The following FBXO31 variants were observed in gnomAD, a reference collection of about 807,000 sequenced individuals.
The protein encoded by FBXO31 is F-box protein 31.
A neutral mutation model predicts 54.4 loss-of-function variants in FBXO31; 24 were observed. That is an observed-to-expected ratio of 0.44 (90% CI 0.32 to 0.62). The LOEUF (loss-of-function observed/expected upper bound fraction) is 0.62. Ranked by LOEUF, FBXO31 falls within the 20% of genes least tolerant of loss-of-function variation. The pLI is 0.05. For missense variants in FBXO31, 665 were observed against 787.1 expected (o/e 0.84, Z 1.86); for synonymous variants, 388 against 335.6 (o/e 1.16, Z -1.71).
Position 87,383,445 on chromosome 16 carries a change from G to A in FBXO31, c.300C>T (p.Ile100=), listed in dbSNP as rs372099503. 2 of 1,587,546 alleles carry A rather than the reference G, an allele frequency of 1.3e-6. No homozygotes were observed. The highest frequency in any genetic ancestry group is 1.7e-6 in the Non-Finnish European group (2 of 1,170,822). Residue 100 remains isoleucine, a synonymous_variant, in exon 1 of 9, where the codon ATC becomes ATT. Coordinates refer to ENST00000311635, the MANE Select transcript of FBXO31 (RefSeq NM_024735.5). The surrounding 1 kb of genome is among the most constrained non-coding windows in gnomAD (Gnocchi z 4.9). ...LAQVCTKFRR[I]LHTDTIWRRR... ...TCCTCCAGATGGTGTCGGTGTGGAGGATGCGCCGGAACTTCGTGCAGACCT... is the reference window on the plus strand; with the variant it reads ...TCCTCCAGATGGTGTCGGTGTGGAGAATGCGCCGGAACTTCGTGCAGACCT...
At chr16:87,349,606 G>C (rs978820571) in intron 2 of FBXO31, among the ~76,000 whole-genome samples, 2 of 152,126 alleles carry the variant, frequency 1.3e-5, no homozygotes, top group Non-Finnish European at 2.9e-5. Context: ...AGCTACTCGG[G>C]AGGCTGAGGC....
intron 1 of FBXO31, among the ~76,000 whole-genome samples, chr16:87,370,446 C>G (rs62053110): frequency 0.37 from 56,231 of 152,204 alleles, 13,392 homozygotes; most frequent in Non-Finnish European, 0.56. Context: ...TGGCAGGTGC[C>G]TGAGTGTGGA....
upstream of FBXO31, among the ~76,000 whole-genome samples, chr16:87,390,315 TAAA>T (rs1444507971): frequency 6.6e-6 from 1 of 152,106 alleles, no homozygotes; most frequent in African/African-American, 2.4e-5. Context: ...AGTGGTGTAA[TAAA>T]GAACTACAAC....
intron 2 of FBXO31, among the ~76,000 whole-genome samples, chr16:87,351,778 A>G (rs1243579398): frequency 6.6e-6 from 1 of 152,194 alleles, no homozygotes; most frequent in Non-Finnish European, 1.5e-5. Flanking sequence ...CGGAGGCAGG[A>G]GAATCGCTTG....
chr16:87,383,376 T>TC lies in FBXO31; in HGVS notation c.340+28dup. The stretch of plus-strand genomic sequence containing the variant: ...CCACCTGGCAGGGACCCCCCGCCCC[T>TC]CCCGGCCCCGCCACCCCCGCGCGCT... On this transcript the variant is annotated intron_variant, in intron 1 of 8. Coordinates refer to ENST00000311635, the MANE Select transcript of FBXO31 (RefSeq NM_024735.5). This position sits in a 1 kb window ranked among gnomAD's most constrained non-coding sequence, Gnocchi z 4.9. 1 of 883,786 alleles carries TC rather than the reference T, an allele frequency of 1.1e-6. No homozygotes were observed. Among genetic ancestry groups the TC allele is most frequent in the Admixed American group, 3.2e-5 (1 of 30,774 alleles). The allele number at this position is 883,786 out of a possible 1,614,324, so 54.7% of individuals were successfully genotyped here. A position where few individuals can be genotyped will look rare whatever the true frequency, so the allele number is the denominator to read the frequency against.
chr16:87,374,365 T>C (rs1024942973), intron 1 of FBXO31, among the ~76,000 whole-genome samples: 2 of 152,130 alleles, frequency 1.3e-5, no homozygotes, highest in Non-Finnish European at 2.9e-5. Flanking sequence ...TCAGAAAACT[T>C]AGCCTACAGC....
At chr16:87,350,096 G>A (rs1905582275) in intron 2 of FBXO31, among the ~76,000 whole-genome samples, 1 of 152,104 alleles carries the variant, frequency 6.6e-6, no homozygotes, top group African/African-American at 2.4e-5. Flanking sequence ...GTGAGCATGT[G>A]TGACTGGACG....
intron 2 of FBXO31, among the ~76,000 whole-genome samples, chr16:87,355,946 G>C (rs1373727490): frequency 6.6e-6 from 1 of 152,222 alleles, no homozygotes; most frequent in African/African-American, 2.4e-5. Context: ...TAGTGAGACA[G>C]ACATGCGACA....
Position 87,383,430 on chromosome 16 carries a change from G to A in FBXO31, c.315C>T (p.Thr105=), listed in dbSNP as rs1172839539. 1.3e-6 allele frequency: 2 copies of A among 1,578,060 alleles called. No individual in the cohort carries two copies. The highest frequency in any genetic ancestry group is 1.8e-5 in the Admixed American group (1 of 54,496). Residue 105 remains threonine (T), a synonymous_variant, in exon 1 of 9, where the codon ACC becomes ACT. Transcript: ENST00000311635. This position sits in a 1 kb window ranked among gnomAD's most constrained non-coding sequence, Gnocchi z 4.9. ...TKFRRILHTD[T]IWRRRCREEY... is the part of the protein sequence containing the mutation. ...CCTCACGGCAACGCCTCCTCCAGAT[G>A]GTGTCGGTGTGGAGGATGCGCCGGA... is the stretch of plus-strand genomic sequence containing the variant.
chr16:87,333,813 G>C (rs1007061550), intron 8 of FBXO31, 73 bp downstream of exon 8: 1 of 1,519,026 alleles, frequency 6.6e-7, no homozygotes, highest in African/African-American at 1.4e-5. Flanking sequence ...GCCTGTGCTA[G>C]GTGTGGGGCT....
chr16:87,354,755 G>A (rs996145853), intron 2 of FBXO31, among the ~76,000 whole-genome samples: 1 of 152,080 alleles, frequency 6.6e-6, no homozygotes, highest in Non-Finnish European at 1.5e-5. Flanking sequence ...ATCACCTGAG[G>A]TCAGGAGTTT....
Position 87,329,375 on chromosome 16 carries a change from CCA to C in FBXO31, c.*1911_*1912del, listed in dbSNP as rs1904761699. The C allele has an allele frequency of 6.6e-6, 1 of 152,278 alleles. No homozygotes were observed. Among genetic ancestry groups the C allele is most frequent in the African/African-American group, 2.4e-5 (1 of 41,468 alleles). The allele number at this position is 152,278 out of a possible 1,614,324, so 9.4% of individuals were successfully genotyped here. A position where few individuals can be genotyped will look rare whatever the true frequency, so the allele number is the denominator to read the frequency against. On this transcript the variant is annotated 3_prime_UTR_variant, in exon 9 of 9. Transcript: ENST00000311635. The stretch of plus-strand genomic sequence containing the variant: ...TCCTTTAATCAGAAGCACGTGCGTC[CCA>C]CAGTGTGCTCTTCAAGCCCCAAAGG...
chr16:87,390,894 C>T (rs1473192021), upstream of FBXO31, among the ~76,000 whole-genome samples: 1 of 152,144 alleles, frequency 6.6e-6, no homozygotes, highest in Non-Finnish European at 1.5e-5. Flanking sequence ...CCACCGCCCC[C>T]CGCTATTTTC....
Position 87,333,966 on chromosome 16 carries a change from C to T in FBXO31, c.1317G>A (p.Gln439=), listed in dbSNP as rs971601908. 4.3e-6 allele frequency: 7 copies of T among 1,612,718 alleles called. No individual in the cohort carries two copies. In the East Asian group the frequency reaches 6.7e-5, roughly 15 times the overall value. ...GCACGAACGGCTGCCCCTGCCCACA[C>T]TGGGCAGGCTGCTCGGCCGCAGCTA... ...DAVAAAEQPA[Q]CGQGQPFVLP... Residue 439 remains glutamine (Q), a synonymous_variant, in exon 8 of 9, where the codon CAG becomes CAA. Coordinates refer to ENST00000311635, the MANE Select transcript of FBXO31 (RefSeq NM_024735.5).
At chr16:87,344,854 C>G (rs908874085) in intron 3 of FBXO31, among the ~76,000 whole-genome samples, 1 of 152,104 alleles carries the variant, frequency 6.6e-6, no homozygotes, top group South Asian at 2.1e-4. Context: ...AAAACCCCAC[C>G]TGGGGGCAAA....
chr16:87,360,967 C>T (rs1906107249), intron 1 of FBXO31, among the ~76,000 whole-genome samples: 1 of 152,222 alleles, frequency 6.6e-6, no homozygotes, highest in South Asian at 2.1e-4. Flanking sequence ...CAGCACCTTC[C>T]TCTTTGTCCC....
intron 2 of FBXO31, among the ~76,000 whole-genome samples, chr16:87,349,178 C>T (rs72806214): frequency 0.011 from 1,695 of 152,302 alleles, 12 homozygotes; most frequent in Non-Finnish European, 0.019. Context: ...AATAATTTAA[C>T]AAAATGATTC....
intron 1 of FBXO31, among the ~76,000 whole-genome samples, chr16:87,373,505 A>G (rs1293641860): frequency 6.6e-6 from 1 of 151,446 alleles, no homozygotes; most frequent in East Asian, 2.0e-4. Context: ...ACCTGAATAT[A>G]TATATACACA....
At chr16:87,385,023 CAA>C (rs1669082685), upstream of FBXO31, among the ~76,000 whole-genome samples, 1 of 151,130 alleles carries the variant, frequency 6.6e-6, no homozygotes, top group South Asian at 2.1e-4. Flanking sequence ...AACAAACAAA[CAA>C]ACAAACCACA....
Sources: gnomAD v4.1 joint callset for allele counts (sites outside exome capture counted in the v4.1 genomes callset) on GRCh38, gnomAD v4.1.1 for gene constraint, Gnocchi (gnomAD v3.1) non-coding constraint, MANE v1.5 for transcripts, NCBI Gene and HGNC (gene_info 2026-07-23, HGNC 2026-07-21) for gene names.